Variants in FBXO34 observed in about 807,000 individuals in gnomAD.
The protein encoded by FBXO34 is F-box only protein 34.
Under a neutral mutation model 24.5 loss-of-function variants are expected in FBXO34, and 12 were observed. The ratio of observed to expected loss-of-function variants is 0.49; its 90% CI spans 0.31 to 0.79. The LOEUF is 0.79. Among genes scored for constraint, FBXO34 ranks in the 30% least tolerant of loss-of-function variants. The pLI, the probability that FBXO34 is intolerant of heterozygous loss-of-function variation, is 0.04. For missense variants in FBXO34, 823 were observed against 857.7 expected (o/e 0.96, Z 0.51); for synonymous variants, 320 against 311.9 (o/e 1.03, Z -0.27).
At chr14:55,313,504 A>G (rs549111974) in intron 1 of FBXO34, among the ~76,000 whole-genome samples, 2 of 152,340 alleles carry the variant, frequency 1.3e-5, no homozygotes, top group East Asian at 3.9e-4. Flanking sequence ...CCCACTCTTG[A>G]TATCAATTTA....
Position 55,295,124 on chromosome 14 carries a change from A to G in FBXO34, c.-11+23587A>G, listed in dbSNP as rs533029465. 6.6e-5 allele frequency among the ~76,000 whole-genome samples: 10 copies of G among 152,286 alleles called. No homozygotes were observed. In the South Asian group the frequency reaches 2.1e-3, roughly 32 times the overall value. On this transcript the variant is annotated intron_variant, in intron 1 of 1. Transcript: ENST00000313833. Reference sequence around the variant, plus strand: ...ACTGAATGTGTATCACTTTTGCGCCATCGTAAAGTCAAAAAGTCATAAGTT... The same window carrying G: ...ACTGAATGTGTATCACTTTTGCGCCGTCGTAAAGTCAAAAAGTCATAAGTT...
chr14:55,321,556 C>T lies in FBXO34; in HGVS notation c.-10-28825C>T, dbSNP rs73263940. On this transcript the variant is annotated intron_variant, in intron 1 of 1. Coordinates refer to ENST00000313833, the MANE Select transcript of FBXO34 (RefSeq NM_017943.4). ...GGATTACAGCCAAATGCCACCACCCCCGGCTAAGTTTCATATTTTTTGTAG... is the reference window on the plus strand; with the variant it reads ...GGATTACAGCCAAATGCCACCACCCTCGGCTAAGTTTCATATTTTTTGTAG... 9.3e-3 allele frequency among the ~76,000 whole-genome samples: 1,421 copies of T among 152,226 alleles called. 31 individuals carry two copies. Among genetic ancestry groups the T allele is most frequent in the African/African-American group, 0.033 (1,370 of 41,512 alleles).
At chr14:55,402,284 G>A in the FBXO34 span, among the ~76,000 whole-genome samples, 1 of 152,072 alleles carries the variant, frequency 6.6e-6, no homozygotes, top group Non-Finnish European at 1.5e-5. Flanking sequence ...TTTACTTTGT[G>A]CCTAAGGTTA....
At chr14:55,356,089 T>C (rs1344595124), downstream of FBXO34, among the ~76,000 whole-genome samples, 1 of 152,232 alleles carries the variant, frequency 6.6e-6, no homozygotes, top group Non-Finnish European at 1.5e-5. Context: ...GGTTATGTTA[T>C]GACCTAGAGG....
the FBXO34 span, among the ~76,000 whole-genome samples, chr14:55,428,486 T>G: frequency 1.3e-5 from 2 of 152,144 alleles, no homozygotes; most frequent in Non-Finnish European, 2.9e-5. Context: ...CTCTGACCAG[T>G]AGCACTGTCA....
chr14:55,432,766 GCTT>G, the FBXO34 span, among the ~76,000 whole-genome samples: 3 of 152,202 alleles, frequency 2.0e-5, no homozygotes, highest in African/African-American at 4.8e-5. Context: ...AGGAGAATTT[GCTT>G]CTTATCTTTT....
chr14:55,327,887 T>C (rs1342928875), intron 1 of FBXO34, among the ~76,000 whole-genome samples: 1 of 149,346 alleles, frequency 6.7e-6, no homozygotes, highest in Non-Finnish European at 1.5e-5. Flanking sequence ...CCTCGTCATA[T>C]GATTTTCTTT....
the FBXO34 span, among the ~76,000 whole-genome samples, chr14:55,403,125 C>G: frequency 6.7e-6 from 1 of 150,316 alleles, no homozygotes; most frequent in Non-Finnish European, 1.5e-5. Flanking sequence ...TCTCTCAAAA[C>G]ATAAAATAGA....
At chr14:55,411,919 C>T in the FBXO34 span, 12 of 1,152,716 alleles carry the variant, frequency 1.0e-5, no homozygotes, top group Admixed American at 2.5e-5. Flanking sequence ...GGCTGGGATG[C>T]CGGCGAGCCC....
At chr14:55,372,718 C>A (rs1668366760), downstream of FBXO34, among the ~76,000 whole-genome samples, 1 of 150,508 alleles carries the variant, frequency 6.6e-6, no homozygotes, top group South Asian at 2.1e-4. Flanking sequence ...CAGCTCCTTC[C>A]TTCTTTCCTC....
chr14:55,276,771 T>C (rs950574910), intron 1 of FBXO34, among the ~76,000 whole-genome samples: 1 of 152,210 alleles, frequency 6.6e-6, no homozygotes, highest in Admixed American at 6.5e-5. Context: ...GATTCGGGGC[T>C]TTGGGCATTA....
chr14:55,315,649 C>T (rs755682383), intron 1 of FBXO34, among the ~76,000 whole-genome samples: 1 of 152,118 alleles, frequency 6.6e-6, no homozygotes, highest in Non-Finnish European at 1.5e-5. Flanking sequence ...TGAAATTTTC[C>T]TTTGGAATTT....
At chr14:55,321,846 C>T (rs1242718985) in intron 1 of FBXO34, among the ~76,000 whole-genome samples, 4 of 152,336 alleles carry the variant, frequency 2.6e-5, no homozygotes, top group East Asian at 3.9e-4. Context: ...GTCAAAAATA[C>T]TCATCTTTAG....
intron 1 of FBXO34, among the ~76,000 whole-genome samples, chr14:55,281,510 A>G (rs1209273230): frequency 6.6e-6 from 1 of 152,214 alleles, no homozygotes; most frequent in African/African-American, 2.4e-5. Context: ...CCAAATGAGA[A>G]CCTGCTCTAG....
chr14:55,310,955 A>C (rs1471971986), intron 1 of FBXO34, among the ~76,000 whole-genome samples: 1 of 149,882 alleles, frequency 6.7e-6, no homozygotes, highest in Non-Finnish European at 1.5e-5. Flanking sequence ...GAAAAAAAAA[A>C]ACATCCAACC....
chr14:55,369,526 A>C (rs1001736401), downstream of FBXO34: 1 of 1,201,348 alleles, frequency 8.3e-7, no homozygotes, highest in Non-Finnish European at 1.1e-6. Flanking sequence ...TTTGTTCCAG[A>C]CACTATCTTA....
chr14:55,361,495 A>G (rs1884594980), intron 3 of FBXO34, among the ~76,000 whole-genome samples: 1 of 152,198 alleles, frequency 6.6e-6, no homozygotes, highest in African/African-American at 2.4e-5. Flanking sequence ...ACTGGCTTCA[A>G]CTGAAAGTCA....
chr14:55,324,379 G>A (rs764421324), intron 1 of FBXO34, among the ~76,000 whole-genome samples: 10 of 152,000 alleles, frequency 6.6e-5, no homozygotes, highest in Non-Finnish European at 1.2e-4. Flanking sequence ...TATCTATTCT[G>A]AGTAGTGCTG....
chr14:55,368,560 G>A (rs2140112771), downstream of FBXO34: 1 of 152,378 alleles, frequency 6.6e-6, no homozygotes, highest in East Asian at 1.9e-4. Context: ...CCAGAACAGA[G>A]CAGAGTAGCA....
Sources: gnomAD v4.1 joint callset for allele counts (sites outside exome capture counted in the v4.1 genomes callset) on GRCh38, gnomAD v4.1.1 for gene constraint, MANE v1.5 for transcripts, NCBI Gene and HGNC (gene_info 2026-07-23, HGNC 2026-07-21) for gene names.